Variants in IPPK observed in about 807,000 individuals in gnomAD.
IPPK encodes the protein inositol-pentakisphosphate 2-kinase.
A neutral mutation model predicts 64.6 loss-of-function variants in IPPK; 22 were observed. The ratio of observed to expected loss-of-function variants is 0.34; its 90% CI spans 0.24 to 0.49. The LOEUF is 0.49. Ranked by LOEUF, IPPK falls within the 20% of genes least tolerant of loss-of-function variation. The probability of loss-of-function intolerance (pLI) is 0.99; values close to 1 mark genes in which losing one functional copy is unlikely to be tolerated. For synonymous variants in IPPK, 262 were observed against 247.2 expected, an observed-to-expected ratio of 1.06 and a Z score of -0.56; for missense variants, 532 against 630.7, an observed-to-expected ratio of 0.84 and a Z score of 1.68.
chr9:92,618,153 C>T lies in IPPK; in HGVS notation c.1250+1333G>A, dbSNP rs375448674. The T allele has an allele frequency of 1.6e-3, 720 of 445,110 alleles. 11 individuals are homozygous for T. The highest frequency in any genetic ancestry group is 0.01 in the South Asian group (666 of 63,896). The allele number at this position is 445,110 out of a possible 1,614,324, so 27.6% of individuals were successfully genotyped here. On this transcript the variant is annotated intron_variant, in intron 12 of 12. Coordinates refer to ENST00000287996, the MANE Select transcript of IPPK (RefSeq NM_022755.6). ...TCCTGGAAGCAGGCCCAGCCCCACA[C>T]GCCATGTTCTCGGAGGAGAAGCCTT...
chr9:92,639,986 C>T (rs1852015177), intron 8 of IPPK, among the ~76,000 whole-genome samples: 1 of 152,214 alleles, frequency 6.6e-6, no homozygotes, highest in South Asian at 2.1e-4. Context: ...TCCAGTTCAC[C>T]AGTCACCTCG....
intron 4 of IPPK, among the ~76,000 whole-genome samples, chr9:92,651,068 A>G (rs1852257900): frequency 6.6e-6 from 1 of 152,106 alleles, no homozygotes; most frequent in African/African-American, 2.4e-5. Flanking sequence ...CTCAGACTGC[A>G]TTCACCGAGA....
chr9:92,616,130 TTTC>T, intron 12 of IPPK, 73 bp from the exon 13 acceptor site: 1 of 1,008,984 alleles, frequency 9.9e-7, no homozygotes, highest in African/African-American at 1.6e-5. Flanking sequence ...TCTCTCTCCC[TTTC>T]TTCTTTCAAC....
intron 10 of IPPK, 122 bp from the exon 11 acceptor site, chr9:92,634,610 A>G (rs931936340): frequency 1.0e-5 from 7 of 693,628 alleles, no homozygotes; most frequent in African/African-American, 1.8e-5. Flanking sequence ...TGAAAAACAC[A>G]TAACAGATCT....
chr9:92,665,764 T>C (rs1236811542), intron 1 of IPPK, among the ~76,000 whole-genome samples: 1 of 152,126 alleles, frequency 6.6e-6, no homozygotes, highest in Admixed American at 6.5e-5. Flanking sequence ...ATTCATCCAC[T>C]ACAAAATAAT....
chr9:92,652,633 C>T lies in IPPK; in HGVS notation c.232G>A (p.Val78Ile), dbSNP rs138821259. The T allele has an allele frequency of 4.0e-4, 624 of 1,558,434 alleles. 2 individuals are homozygous for T. Among genetic ancestry groups the T allele is most frequent in the Non-Finnish European group, 7.5e-5 (86 of 1,139,416 alleles). ...TTCACAAACTCTAAAGGTAGCTGAA[C>T]GACCTCCTGTAAGAAAATACATGAA... ...GENYVHYGEV[V>I]QLPLEFVKQL... is the part of the protein sequence containing the mutation. The change falls in exon 4 of 13, where the codon GTT (valine) becomes ATT (isoleucine). Residue 78 changes from valine (V) to isoleucine (I), a missense_variant. Physicochemically the swap from Val to Ile is conservative, Grantham distance 29. Transcript: ENST00000287996.
At chr9:92,620,130 C>T (rs897749111) in intron 11 of IPPK, 2 of 156,816 alleles carry the variant, frequency 1.3e-5, no homozygotes, top group Admixed American at 1.2e-4. Flanking sequence ...GGCCGGCGTC[C>T]CACTTTACAG....
intron 11 of IPPK, among the ~76,000 whole-genome samples, chr9:92,628,114 A>T (rs530470809): frequency 6.6e-6 from 1 of 152,238 alleles, no homozygotes; most frequent in African/African-American, 2.4e-5. Flanking sequence ...TAAAAAGAAA[A>T]TATTTTAGAA....
chr9:92,643,764 G>A (rs1564034438), intron 6 of IPPK, among the ~76,000 whole-genome samples: 2 of 152,320 alleles, frequency 1.3e-5, no homozygotes, highest in African/African-American at 2.4e-5. Context: ...GTGTATGCAC[G>A]TACAGGCATG....
intron 6 of IPPK, among the ~76,000 whole-genome samples, chr9:92,646,830 G>A (rs1008308505): frequency 6.6e-5 from 10 of 151,924 alleles, no homozygotes; most frequent in Admixed American, 1.3e-4. Flanking sequence ...GATGGCGGGC[G>A]CCTATAGTCC....
chr9:92,624,726 A>G (rs573665800), intron 11 of IPPK, among the ~76,000 whole-genome samples: 1 of 140,646 alleles, frequency 7.1e-6, no homozygotes, highest in African/African-American at 2.5e-5. Flanking sequence ...GACCTGCTGT[A>G]TAGGTCACTT....
At chr9:92,657,388 T>G (rs1011011894) in intron 2 of IPPK, among the ~76,000 whole-genome samples, 22 of 150,974 alleles carry the variant, frequency 1.5e-4, no homozygotes, top group African/African-American at 5.4e-4. Flanking sequence ...AACAGAAAAG[T>G]TACCACTCAA....
At position 92,632,384 on chromosome 9, in the gene IPPK, G is replaced by A. The variant is rs796200229; in HGVS notation, c.1170+2002C>T. Among the ~76,000 whole-genome samples the A allele has an allele frequency of 3.3e-5, 5 of 152,294 alleles. No homozygotes were observed. The South Asian group carries it at 6.2e-4, about 19-fold the overall frequency. ...CACCTCCATTTGGTGTTGTTTCAGT[G>A]TCTTTATTTTAGCCCTTCTGCTAGT... On this transcript the variant is annotated intron_variant, in intron 11 of 12. Coordinates refer to ENST00000287996, the MANE Select transcript of IPPK (RefSeq NM_022755.6).
At position 92,648,164 on chromosome 9, in the gene IPPK, A is replaced by G; in HGVS notation, c.415-16T>C. The stretch of plus-strand genomic sequence containing the variant: ...CACATTTTGGCTGTAAAATAAACAA[A>G]TAAGGAGGAAAAATATTTAGGAAGA... On this transcript the variant is annotated splice_polypyrimidine_tract_variant and intron_variant, in intron 5 of 12. Transcript: ENST00000287996. 1 of 1,578,844 alleles carries G rather than the reference A, an allele frequency of 6.3e-7. No individual in the cohort carries two copies. The highest frequency in any genetic ancestry group is 1.1e-5 in the South Asian group (1 of 89,312).
chr9:92,658,830 C>A, intron 1 of IPPK, 149 bp from the exon 2 acceptor site: 1 of 691,382 alleles, frequency 1.4e-6, no homozygotes, highest in Non-Finnish European at 2.4e-6. Flanking sequence ...GCAGGGAGGC[C>A]AGGGCTGGGA....
chr9:92,642,715 C>T (rs1852076200), intron 7 of IPPK, 37 bp downstream of exon 7: 2 of 1,598,134 alleles, frequency 1.3e-6, no homozygotes, highest in Admixed American at 1.7e-5. Flanking sequence ...CTCCAGGGAA[C>T]CTGACACAAG....
At chr9:92,668,562 AC>A (rs1180990074) in intron 1 of IPPK, among the ~76,000 whole-genome samples, 2 of 152,234 alleles carry the variant, frequency 1.3e-5, no homozygotes, top group Admixed American at 6.5e-5. Context: ...ATGCAGAGAT[AC>A]ATCTAATCTT....
chr9:92,659,829 C>T (rs958566728), intron 1 of IPPK, among the ~76,000 whole-genome samples: 7 of 152,162 alleles, frequency 4.6e-5, no homozygotes, highest in Non-Finnish European at 1.0e-4. Flanking sequence ...AAATCCCAGG[C>T]ACCCGGCCCC....
intron 11 of IPPK, among the ~76,000 whole-genome samples, chr9:92,623,873 A>G (rs1851687773): frequency 6.6e-6 from 1 of 152,244 alleles, no homozygotes; most frequent in South Asian, 2.1e-4. Flanking sequence ...TCCAAGAGAA[A>G]TGTGTGCACA....
Sources: allele counts gnomAD v4.1 joint callset (sites outside exome capture counted in the v4.1 genomes callset), GRCh38; gene constraint gnomAD v4.1.1; transcripts MANE v1.5; gene names NCBI Gene and HGNC (gene_info 2026-07-23, HGNC 2026-07-21).